The following MAGI3 variants were observed in gnomAD, a reference collection of about 807,000 sequenced individuals.
MAGI3 encodes the protein membrane-associated guanylate kinase, WW and PDZ domain-containing protein 3.
Under a neutral mutation model 121.8 loss-of-function variants are expected in MAGI3, and 43 were observed. The ratio of observed to expected loss-of-function variants is 0.35; its 90% confidence interval spans 0.28 to 0.46. MAGI3 has a LOEUF of 0.46. Among genes scored for constraint, MAGI3 ranks in the 20% least tolerant of loss-of-function variants. The pLI is 1.00. For synonymous variants in MAGI3, 553 were observed against 639.3 expected (o/e 0.86, Z 2.04); for missense variants, 1,547 against 1,797.3 (o/e 0.86, Z 2.52).
At chr1:113,682,042 T>C (rs1334895656) in intron 20 of MAGI3, among the ~76,000 whole-genome samples, 2 of 151,110 alleles carry the variant, frequency 1.3e-5, no homozygotes, top group Admixed American at 1.3e-4. Context: ...TTTTGAGGGA[T>C]AAGTGTAGAC....
intron 15 of MAGI3, among the ~76,000 whole-genome samples, chr1:113,656,783 G>A (rs984792185): frequency 6.6e-6 from 1 of 152,158 alleles, no homozygotes; most frequent in African/African-American, 2.4e-5. Flanking sequence ...AGAGTTCCTA[G>A]TAGCATCTGT....
intron 19 of MAGI3, among the ~76,000 whole-genome samples, chr1:113,677,144 G>A (rs1209355540): frequency 6.6e-6 from 1 of 151,988 alleles, no homozygotes; most frequent in East Asian, 1.9e-4. Flanking sequence ...AGAGGAGAGA[G>A]AAAAAAAGTG....
intron 2 of MAGI3, among the ~76,000 whole-genome samples, chr1:113,560,908 A>C (rs192937665): frequency 1.9e-4 from 29 of 152,314 alleles, no homozygotes; most frequent in African/African-American, 7.0e-4. Flanking sequence ...TCAAATAAAC[A>C]CAATCAGAAA....
chr1:113,484,081 G>A (rs1415148530), intron 1 of MAGI3, among the ~76,000 whole-genome samples: 1 of 152,114 alleles, frequency 6.6e-6, no homozygotes, highest in African/African-American at 2.4e-5. Context: ...AATAGCAAAT[G>A]ATTCTAAAAG....
intron 1 of MAGI3, among the ~76,000 whole-genome samples, chr1:113,472,293 C>T (rs1655579837): frequency 6.6e-6 from 1 of 151,678 alleles, no homozygotes; most frequent in Non-Finnish European, 1.5e-5. Flanking sequence ...AGCTCCGCCT[C>T]CCGGGTTCAC....
rs1370729866 is a variant in MAGI3 at position 113,438,559 on chromosome 1, A to G, written c.316+47210A>G. Among the ~76,000 whole-genome samples, 3 of 152,348 alleles carry G rather than the reference A, an allele frequency of 2.0e-5. No individual in the cohort carries two copies. The East Asian group carries it at 5.8e-4, about 29-fold the overall frequency. ...TGGTTCACAGTTAGGCAGGCTGTAC[A>G]GCAAGCATGGTACCAGCACCTGCTT... On this transcript the variant is annotated intron_variant, in intron 1 of 20. Coordinates refer to ENST00000307546, the MANE Select transcript of MAGI3 (RefSeq NM_001142782.2).
chr1:113,477,134 T>C (rs1256344670), intron 1 of MAGI3, among the ~76,000 whole-genome samples: 1 of 152,178 alleles, frequency 6.6e-6, no homozygotes, highest in African/African-American at 2.4e-5. Flanking sequence ...GCACATGAGA[T>C]GAGTCTCCTG....
chr1:113,599,483 A>C (rs578035114), intron 6 of MAGI3, among the ~76,000 whole-genome samples: 144 of 152,166 alleles, frequency 9.5e-4, no homozygotes, highest in East Asian at 3.1e-3. Context: ...GAAATGGATA[A>C]ATTCCTCGAC....
chr1:113,627,757 T>G (rs1459316941), intron 9 of MAGI3, among the ~76,000 whole-genome samples: 1 of 151,828 alleles, frequency 6.6e-6, no homozygotes, highest in Non-Finnish European at 1.5e-5. Flanking sequence ...ATTGACCCCT[T>G]TATTATTATA....
At chr1:113,470,797 TC>T (rs1186344716) in intron 1 of MAGI3, among the ~76,000 whole-genome samples, 9 of 152,198 alleles carry the variant, frequency 5.9e-5, no homozygotes. Context: ...TATTTGTATT[TC>T]TATGCTAGGC....
At chr1:113,646,435 TCAAC>T (rs1352879135) in intron 11 of MAGI3, 47 bp from the exon 12 acceptor site, 3 of 1,455,164 alleles carry the variant, frequency 2.1e-6, no homozygotes, top group Non-Finnish European at 2.8e-6. Context: ...TATGAATTAA[TCAAC>T]CATCTGCTTT....
intron 1 of MAGI3, among the ~76,000 whole-genome samples, chr1:113,455,343 C>T (rs993783366): frequency 6.6e-6 from 1 of 151,962 alleles, no homozygotes; most frequent in African/African-American, 2.4e-5. Context: ...TCTAAAATTT[C>T]CTAGCAGATA....
intron 2 of MAGI3, among the ~76,000 whole-genome samples, chr1:113,556,975 G>C (rs1000686894): frequency 2.6e-5 from 4 of 152,154 alleles, no homozygotes; most frequent in African/African-American, 9.7e-5. Flanking sequence ...TGAAGAAATA[G>C]GTGAGCTGAA....
intron 1 of MAGI3, among the ~76,000 whole-genome samples, chr1:113,537,429 G>A (rs1276732473): frequency 2.0e-5 from 3 of 152,160 alleles, no homozygotes; most frequent in African/African-American, 7.2e-5. Context: ...CAGCTTTGAA[G>A]TAGGTTTGCC....
chr1:113,493,958 T>C (rs934635408), intron 1 of MAGI3, among the ~76,000 whole-genome samples: 14 of 152,196 alleles, frequency 9.2e-5, no homozygotes, highest in African/African-American at 3.4e-4. Context: ...TGGGAGACGA[T>C]GTGGCAATTC....
At chr1:113,494,943 A>C (rs1390552202) in intron 1 of MAGI3, among the ~76,000 whole-genome samples, 1 of 152,190 alleles carries the variant, frequency 6.6e-6, no homozygotes, top group Non-Finnish European at 1.5e-5. Context: ...TGCTAATTTA[A>C]ATATGTCCTC....
At chr1:113,657,000 T>C (rs1270335948) in intron 15 of MAGI3, among the ~76,000 whole-genome samples, 1 of 152,246 alleles carries the variant, frequency 6.6e-6, no homozygotes, top group Non-Finnish European at 1.5e-5. Context: ...TCATGTAGTT[T>C]TCAGTTCTGG....
At chr1:113,451,127 A>C (rs1416224586) in intron 1 of MAGI3, among the ~76,000 whole-genome samples, 1 of 152,102 alleles carries the variant, frequency 6.6e-6, no homozygotes, top group Non-Finnish European at 1.5e-5. Context: ...CAAAAGAAAA[A>C]TTTTTCAGTA....
chr1:113,664,692 G>T (rs1743605), intron 16 of MAGI3, among the ~76,000 whole-genome samples: 114,970 of 152,142 alleles, frequency 0.76, 44,270 homozygotes, highest in African/African-American at 0.87. Flanking sequence ...TTCTGATACT[G>T]TACTTCCCCA....
Sources: gnomAD v4.1 joint callset for allele counts (sites outside exome capture counted in the v4.1 genomes callset) on GRCh38, gnomAD v4.1.1 for gene constraint, MANE v1.5 for transcripts, NCBI Gene and HGNC (gene_info 2026-07-23, HGNC 2026-07-21) for gene names.